FAM153A: variants seen among roughly 807,000 people sequenced by gnomAD.
FAM153A encodes the protein family with sequence similarity 153 member A, also known as protein FAM153A.
A neutral mutation model predicts 48.1 loss-of-function variants in FAM153A; 12 were observed. That is an observed-to-expected ratio of 0.25 (90% CI 0.16 to 0.40). The LOEUF (loss-of-function observed/expected upper bound fraction) is 0.40. Among genes scored for constraint, FAM153A ranks in the 10% least tolerant of loss-of-function variants. The probability of loss-of-function intolerance (pLI) is 1.00; values close to 1 mark genes in which losing one functional copy is unlikely to be tolerated. For synonymous variants in FAM153A, 36 were observed against 118.2 expected (o/e 0.30, Z 4.51); for missense variants, 111 against 345.8 (o/e 0.32, Z 5.38).
intron 24 of FAM153A, among the ~76,000 whole-genome samples, chr5:177,716,906 C>T (rs976833592): frequency 6.6e-6 from 1 of 151,382 alleles, no homozygotes; most frequent in Non-Finnish European, 1.5e-5. Flanking sequence ...CCAAATGATC[C>T]TCCAACCTCA....
At chr5:177,717,582 C>T (rs968907296), downstream of FAM153A, among the ~76,000 whole-genome samples, 1 of 150,534 alleles carries the variant, frequency 6.6e-6, no homozygotes, top group African/African-American at 2.5e-5. Context: ...AAAAGCTACC[C>T]TCACAAGGAG....
At chr5:177,711,890 G>C (rs933927056) in exon 27 of FAM153A, 3 of 151,896 alleles carry the variant, frequency 2.0e-5, no homozygotes, top group Admixed American at 6.5e-5. Context: ...GACTTTCTTT[G>C]CTCAATGTAG....
chr5:177,731,452 A>G lies in FAM153A; in HGVS notation c.862+117T>C, dbSNP rs1207648148. 2 of 284,822 alleles carry G rather than the reference A, an allele frequency of 7.0e-6. 1 individual carries two copies. The highest frequency in any genetic ancestry group is 1.2e-5 in the Non-Finnish European group (2 of 160,098). The allele number at this position is 284,822 out of a possible 1,614,324, so 17.6% of individuals were successfully genotyped here. On this transcript the variant is annotated intron_variant, in intron 16 of 20. Coordinates refer to ENST00000614127, the Ensembl canonical transcript of FAM153A. ...TTTTAAACTGAACTTCCCAAATCTC[A>G]TTTCTGGCAGAAAGCTCAAACCAGA... is the stretch of plus-strand genomic sequence containing the variant.
chr5:177,778,554 C>T lies in FAM153A; in HGVS notation c.-57+1895G>A, dbSNP rs1417228464. The stretch of plus-strand genomic sequence containing the variant: ...GGCCAAAGCAGGAGGATCACTTGAG[C>T]CCAGAAGTTCCAGACTTCCAGACCA... On this transcript the variant is annotated intron_variant, in intron 1 of 8. Transcript: ENST00000393518. Among the ~76,000 whole-genome samples the T allele has an allele frequency of 5.3e-5, 5 of 94,078 alleles. 1 individual carries two copies. The highest frequency in any genetic ancestry group is 2.2e-5 in the Non-Finnish European group (1 of 46,320). The allele number at this position is 94,078 out of a possible 152,430, so 61.7% of individuals were successfully genotyped here.
chr5:177,695,121 A>G, the FAM153A span, among the ~76,000 whole-genome samples: 1 of 137,990 alleles, frequency 7.2e-6, no homozygotes, highest in Non-Finnish European at 1.6e-5. Context: ...ATGGGGTTTT[A>G]CCACATTGGC....
chr5:177,707,766 G>A (rs1177369051), downstream of FAM153A, among the ~76,000 whole-genome samples: 1 of 151,704 alleles, frequency 6.6e-6, no homozygotes, highest in Non-Finnish European at 1.5e-5. Context: ...TCACCATGTT[G>A]GCCAGGCTGG....
chr5:177,709,711 C>T (rs1359141970), downstream of FAM153A, among the ~76,000 whole-genome samples: 2 of 118,032 alleles, frequency 1.7e-5, no homozygotes, highest in Admixed American at 9.5e-5. Flanking sequence ...GCTCTTGTTG[C>T]TCGGGCCAGA....
At chr5:177,695,844 C>T in the FAM153A span, among the ~76,000 whole-genome samples, 829 of 149,676 alleles carry the variant, frequency 5.5e-3, 16 homozygotes, top group African/African-American at 0.019. Context: ...ATGGGGAGGC[C>T]GGGCAGAGGC....
Position 177,771,642 on chromosome 5 carries a change from G to A in FAM153A, c.-57+8807C>T, listed in dbSNP as rs1162001728. ...CTGTTGTTTAGGAAATTGGAATTGG[G>A]AGGGTTCCCACCATGCCCTAAGACT... On this transcript the variant is annotated intron_variant, in intron 1 of 8. Coordinates refer to the FAM153A transcript ENST00000393518. 2.1e-5 allele frequency among the ~76,000 whole-genome samples: 2 copies of A among 96,370 alleles called. 1 individual carries two copies. Among genetic ancestry groups the A allele is most frequent in the African/African-American group, 8.3e-5 (2 of 24,222 alleles). The allele number at this position is 96,370 out of a possible 152,430, so 63.2% of individuals were successfully genotyped here. A position where few individuals can be genotyped will look rare whatever the true frequency, so the allele number is the denominator to read the frequency against.
chr5:177,709,380 G>A (rs1385333703), downstream of FAM153A, among the ~76,000 whole-genome samples: 10 of 91,628 alleles, frequency 1.1e-4, no homozygotes, highest in African/African-American at 3.1e-4. Flanking sequence ...TTTTTTTTCC[G>A]AGATGAAGTC....
chr5:177,726,096 G>GAGGAC (rs1489509942), intron 18 of FAM153A, among the ~76,000 whole-genome samples: 1 of 142,234 alleles, frequency 7.0e-6, no homozygotes, highest in Non-Finnish European at 1.5e-5. Flanking sequence ...AGCAGACAGT[G>GAGGAC]AGGACAGGAC....
the FAM153A span, among the ~76,000 whole-genome samples, chr5:177,701,822 A>G: frequency 3.3e-5 from 5 of 151,878 alleles, no homozygotes; most frequent in African/African-American, 4.9e-5. Flanking sequence ...GTTAGATCAA[A>G]ATGCCAGTAG....
At chr5:177,782,178 G>T (rs1368076452), upstream of FAM153A, 2 of 110,080 alleles carry the variant, frequency 1.8e-5, no homozygotes, top group Admixed American at 1.9e-4. Context: ...TCCACCAAGC[G>T]CTCCAGCTGG....
At chr5:177,764,728 C>A (rs1315840953) in intron 1 of FAM153A, among the ~76,000 whole-genome samples, 2 of 152,026 alleles carry the variant, frequency 1.3e-5, no homozygotes, top group Non-Finnish European at 2.9e-5. Flanking sequence ...TTGCGAGGAA[C>A]AACTAGGCTC....
Position 177,738,121 on chromosome 5 carries a change from C to T in FAM153A, c.562+992G>A, listed in dbSNP as rs557190694. Among the ~76,000 whole-genome samples, 10 of 151,268 alleles carry T rather than the reference C, an allele frequency of 6.6e-5. No individual in the cohort carries two copies. The South Asian group carries it at 2.1e-3, about 31-fold the overall frequency. ...AGGTGGGGGCGCTGAACCTCTCCAA[C>T]CCAGCTGTATAGAAGAGTCCAGCAG... On this transcript the variant is annotated intron_variant, in intron 10 of 20. Coordinates refer to ENST00000614127, the Ensembl canonical transcript of FAM153A.
chr5:177,737,549 A>C (rs1489651464), intron 10 of FAM153A, among the ~76,000 whole-genome samples: 2 of 150,788 alleles, frequency 1.3e-5, no homozygotes, highest in African/African-American at 4.9e-5. Flanking sequence ...AGATGGAGTT[A>C]CTCTCTTCTT....
At chr5:177,705,000 C>CAA (rs142700297), downstream of FAM153A, among the ~76,000 whole-genome samples, 1 of 136,382 alleles carries the variant, frequency 7.3e-6, no homozygotes, top group African/African-American at 2.8e-5. Flanking sequence ...GACTCCATCT[C>CAA]AAAAAAAAAA....
At chr5:177,768,747 C>T (rs1336922200) in intron 1 of FAM153A, among the ~76,000 whole-genome samples, 1 of 106,644 alleles carries the variant, frequency 9.4e-6, no homozygotes, top group Non-Finnish European at 1.9e-5. Flanking sequence ...TCTATCCAGC[C>T]CAGGATGTGA....
intron 13 of FAM153A, 128 bp downstream of exon 15, chr5:177,734,735 A>G: frequency 1.3e-6 from 2 of 1,504,132 alleles, no homozygotes; most frequent in Non-Finnish European, 1.8e-6. Context: ...ACTCTCACTT[A>G]CCATTTCCCT....
Sources: gnomAD v4.1 joint callset for allele counts (sites outside exome capture counted in the v4.1 genomes callset) on GRCh38, gnomAD v4.1.1 for gene constraint, MANE v1.5 for transcripts, NCBI Gene and HGNC (gene_info 2026-07-23, HGNC 2026-07-21) for gene names.